The following KIAA1217 variants were observed in gnomAD, a reference collection of about 807,000 sequenced individuals.
The protein encoded by KIAA1217 is sickle tail protein homolog.
Under a neutral mutation model 163.9 loss-of-function variants are expected in KIAA1217, and 88 were observed. The observed-to-expected ratio is 0.54, with a 90% CI of 0.45 to 0.64. The LOEUF (loss-of-function observed/expected upper bound fraction) is 0.64. KIAA1217 is among the 30% of genes least tolerant of loss of function. KIAA1217 has a pLI of 0.00. For missense variants in KIAA1217, 2,372 were observed against 2,475.0 expected (o/e 0.96, Z 0.88); for synonymous variants, 903 against 923.1 (o/e 0.98, Z 0.39).
rs375415507 is a variant in KIAA1217, at chr10:23,906,457, G to A, written c.-320-100768G>A. On this transcript the variant is annotated intron_variant, in intron 1 of 18. Transcript: ENST00000376462. ...GAAATTTTATTTTGTAGATGGTCAGGGTTTTTTATTGTTATGTGTGTAAAA... is the reference window on the plus strand; with the variant it reads ...GAAATTTTATTTTGTAGATGGTCAGAGTTTTTTATTGTTATGTGTGTAAAA... 3.3e-5 allele frequency among the ~76,000 whole-genome samples: 5 copies of A among 151,936 alleles called. No individual in the cohort carries two copies. The East Asian group carries it at 5.8e-4, about 18-fold the overall frequency.
chr10:24,260,718 C>T (rs887423967), intron 2 of KIAA1217, among the ~76,000 whole-genome samples: 5 of 151,750 alleles, frequency 3.3e-5, no homozygotes, highest in Non-Finnish European at 7.4e-5. Flanking sequence ...GCCCTCCAGC[C>T]TGGGCAACAG....
At chr10:24,362,316 T>C (rs1004797027) in intron 2 of KIAA1217, among the ~76,000 whole-genome samples, 4 of 152,112 alleles carry the variant, frequency 2.6e-5, no homozygotes, top group African/African-American at 7.2e-5. Flanking sequence ...CTTTCAGAAA[T>C]TTGATAAAAA....
At chr10:24,017,040 G>GTTTTTTTTTTTTT (rs35042335) in intron 2 of KIAA1217, among the ~76,000 whole-genome samples, 145 of 130,156 alleles carry the variant, frequency 1.1e-3, no homozygotes, top group East Asian at 4.4e-3. Flanking sequence ...TAGTTTTTTT[G>GTTTTTTTTTTTTT]TTTTTTTTTT....
chr10:24,063,256 G>A (rs927633527), intron 2 of KIAA1217, among the ~76,000 whole-genome samples: 25 of 152,036 alleles, frequency 1.6e-4, no homozygotes, highest in African/African-American at 5.6e-4. Flanking sequence ...TTTCTTCTAG[G>A]GTTTTTATGG....
At chr10:23,933,322 T>C (rs1843336036) in intron 1 of KIAA1217, among the ~76,000 whole-genome samples, 1 of 152,188 alleles carries the variant, frequency 6.6e-6, no homozygotes, top group South Asian at 2.1e-4. Flanking sequence ...CGTTAGTTTC[T>C]GAGATGACTG....
chr10:24,159,827 T>C (rs1295734901), intron 2 of KIAA1217, among the ~76,000 whole-genome samples: 2 of 152,244 alleles, frequency 1.3e-5, no homozygotes, highest in South Asian at 2.1e-4. Flanking sequence ...CATTTAGTTC[T>C]ATGATATATA....
intron 1 of KIAA1217, among the ~76,000 whole-genome samples, chr10:23,801,297 G>A (rs1292912848): frequency 6.6e-6 from 1 of 152,142 alleles, no homozygotes; most frequent in African/African-American, 2.4e-5. Flanking sequence ...AACAGAGGCA[G>A]GGGAACATAA....
intron 9 of KIAA1217, among the ~76,000 whole-genome samples, chr10:24,510,885 C>T (rs1001590757): frequency 2.6e-5 from 4 of 152,136 alleles, no homozygotes; most frequent in Non-Finnish European, 5.9e-5. Flanking sequence ...ATTTTGGATT[C>T]TTCATTGTTG....
intron 5 of KIAA1217, among the ~76,000 whole-genome samples, chr10:24,452,439 C>T (rs1029344992): frequency 1.3e-5 from 2 of 151,030 alleles, no homozygotes; most frequent in Non-Finnish European, 2.9e-5. Flanking sequence ...TTTGGGAGGC[C>T]GAGGCGGGCG....
At chr10:24,217,079 T>C (rs1221108261) in intron 1 of KIAA1217, among the ~76,000 whole-genome samples, 1 of 115,504 alleles carries the variant, frequency 8.7e-6, no homozygotes, top group Non-Finnish European at 1.8e-5. Flanking sequence ...TTAGATCAAG[T>C]ATACAACAAT....
intron 10 of KIAA1217, among the ~76,000 whole-genome samples, chr10:24,517,715 C>T (rs578027063): frequency 4.7e-4 from 72 of 152,330 alleles, no homozygotes; most frequent in African/African-American, 1.7e-3. Context: ...AAGAGATGGG[C>T]TGGGCACAGT....
At position 24,547,671 on chromosome 10, in the gene KIAA1217, T is replaced by C. The variant is rs1284994983; in HGVS notation, c.*1347T>C. Reference sequence around the variant, plus strand: ...TAAATTAATTGCAAGTGTGGTGCCTTGGATGTGGCCTGTTGGCTCGCTTTC... The same window carrying C: ...TAAATTAATTGCAAGTGTGGTGCCTCGGATGTGGCCTGTTGGCTCGCTTTC... On this transcript the variant is annotated 3_prime_UTR_variant, in exon 21 of 21. Coordinates refer to ENST00000376454, the MANE Select transcript of KIAA1217 (RefSeq NM_019590.5). 6.6e-6 allele frequency: 1 copy of C among 152,176 alleles called. No homozygotes were observed. Among genetic ancestry groups the C allele is most frequent in the Non-Finnish European group, 1.5e-5 (1 of 68,024 alleles). 9.4% of individuals were successfully genotyped at this position (152,176 alleles called of 1,614,324 possible).
At chr10:23,888,291 A>G (rs1564508648) in intron 1 of KIAA1217, among the ~76,000 whole-genome samples, 1 of 151,946 alleles carries the variant, frequency 6.6e-6, no homozygotes. Flanking sequence ...TTCAGTAACA[A>G]TCAAAAAGGA....
intron 1 of KIAA1217, among the ~76,000 whole-genome samples, chr10:23,895,015 T>G: frequency 6.6e-6 from 1 of 152,186 alleles, no homozygotes; most frequent in Non-Finnish European, 1.5e-5. Context: ...GACTTAAACG[T>G]TGGACCTAAA....
chr10:24,073,071 A>G (rs999131239), intron 2 of KIAA1217, among the ~76,000 whole-genome samples: 7 of 149,900 alleles, frequency 4.7e-5, no homozygotes, highest in Non-Finnish European at 7.4e-5. Flanking sequence ...AAAAAAAAAA[A>G]AAGAAAGAAA....
At chr10:24,348,315 G>A (rs919336039) in intron 2 of KIAA1217, among the ~76,000 whole-genome samples, 1 of 150,162 alleles carries the variant, frequency 6.7e-6, no homozygotes, top group African/African-American at 2.5e-5. Context: ...TCTAGCCTGG[G>A]TGACAGAGTG....
intron 1 of KIAA1217, among the ~76,000 whole-genome samples, chr10:23,912,111 TGAG>T (rs1842457817): frequency 2.6e-5 from 4 of 152,070 alleles, no homozygotes; most frequent in Non-Finnish European, 5.9e-5. Flanking sequence ...TCCCCAGTTT[TGAG>T]GAGAACTTTA....
chr10:23,752,214 C>T (rs891014457), intron 1 of KIAA1217, among the ~76,000 whole-genome samples: 8 of 152,106 alleles, frequency 5.3e-5, no homozygotes, highest in Non-Finnish European at 8.8e-5. Context: ...CTTGGAATTT[C>T]GCTAATTAGC....
intron 1 of KIAA1217, among the ~76,000 whole-genome samples, chr10:23,882,171 A>G (rs11816153): frequency 0.019 from 2,921 of 152,066 alleles, 95 homozygotes; most frequent in African/African-American, 0.064. Context: ...AAAATAATCT[A>G]TACCAAATAC....
Sources: allele counts gnomAD v4.1 joint callset (sites outside exome capture counted in the v4.1 genomes callset), GRCh38; gene constraint gnomAD v4.1.1; transcripts MANE v1.5; gene names NCBI Gene and HGNC (gene_info 2026-07-23, HGNC 2026-07-21).